WDR37: variants seen among roughly 807,000 people sequenced by gnomAD.
WDR37 encodes the protein WD repeat-containing protein 37.
WDR37 carries 19 observed loss-of-function variants against 62.9 expected under a neutral mutation model. That is an observed-to-expected ratio of 0.30 (90% CI 0.21 to 0.44). The LOEUF is 0.44. Among genes scored for constraint, WDR37 ranks in the 20% least tolerant of loss-of-function variants. The probability of loss-of-function intolerance (pLI) is 1.00; values close to 1 mark genes in which losing one functional copy is unlikely to be tolerated. For missense variants in WDR37, 474 were observed against 657.6 expected (o/e 0.72, Z 3.05); for synonymous variants, 250 against 260.9 (o/e 0.96, Z 0.40).
At position 1,129,514 on chromosome 10, in the gene WDR37, TGTGGTC is replaced by T; in HGVS notation, c.*173_*178del. ...CTTGCATGAAATGTACAGAGAAATG[TGTGGTC>T]GTATTTTTTACTTTTGTCTTGTATA... On this transcript the variant is annotated 3_prime_UTR_variant, in exon 14 of 14. Transcript: ENST00000263150. The T allele has an allele frequency of 9.3e-7, 1 of 1,070,864 alleles. No individual in the cohort carries two copies. The highest frequency in any genetic ancestry group is 1.3e-6 in the Non-Finnish European group (1 of 771,692). 66.3% of individuals were successfully genotyped at this position (1,070,864 alleles called of 1,614,324 possible). A position where few individuals can be genotyped will look rare whatever the true frequency, so the allele number is the denominator to read the frequency against.
At chr10:1,091,051 G>A (rs1000623820) in intron 7 of WDR37, among the ~76,000 whole-genome samples, 3 of 152,192 alleles carry the variant, frequency 2.0e-5, no homozygotes, top group Non-Finnish European at 2.9e-5. Context: ...ACATGATTCT[G>A]TGCCGATTTT....
Position 1,080,025 on chromosome 10 carries a change from G to A in WDR37, c.250G>A (p.Asp84Asn), listed in dbSNP as rs1255576929. Residue 84 changes from aspartate to asparagine, a missense_variant, in exon 4 of 14, where the codon GAC (aspartate) becomes AAC (asparagine). By Grantham distance (23) the Asp-to-Asn change is conservative. Coordinates refer to ENST00000263150, the MANE Select transcript of WDR37 (RefSeq NM_014023.4). The part of the protein sequence containing the change: ...IENLELRREI[D>N]TLNERLAAEG... The stretch of plus-strand genomic sequence containing the variant: ...TTTCTTCCCAGTACGTAGAGAAATC[G>A]ACACTCTTAATGAACGTTTAGCTGC... The A allele has an allele frequency of 8.1e-6, 13 of 1,613,756 alleles. No individual in the cohort carries two copies. Among genetic ancestry groups the A allele is most frequent in the Admixed American group, 1.7e-5 (1 of 59,982 alleles).
intron 1 of WDR37, among the ~76,000 whole-genome samples, chr10:1,066,427 C>T (rs1833555210): frequency 6.6e-6 from 1 of 152,038 alleles, no homozygotes; most frequent in Admixed American, 6.5e-5. Context: ...GATACTAGGA[C>T]TAATGCAGAA....
chr10:1,128,366 T>A (rs1835865530), intron 13 of WDR37, among the ~76,000 whole-genome samples: 1 of 152,274 alleles, frequency 6.6e-6, no homozygotes, highest in Non-Finnish European at 1.5e-5. Context: ...GCTAAGAGCC[T>A]GCATCTGCTA....
rs143574748 is a variant in WDR37 at position 1,130,226 on chromosome 10, G to T, written c.*882G>T. The T allele has an allele frequency of 6.5e-6, 1 of 152,750 alleles. No homozygotes were observed. Among genetic ancestry groups the T allele is most frequent in the African/African-American group, 2.4e-5 (1 of 41,564 alleles). The allele number at this position is 152,750 out of a possible 1,614,324, so 9.5% of individuals were successfully genotyped here. A position where few individuals can be genotyped will look rare whatever the true frequency, so the allele number is the denominator to read the frequency against. ...TGTGCTTCCGAATGGGCTCACTCCCGTGGTGGTGTTTGAGAGCCAACAACA... is the reference window on the plus strand; with the variant it reads ...TGTGCTTCCGAATGGGCTCACTCCCTTGGTGGTGTTTGAGAGCCAACAACA... On this transcript the variant is annotated 3_prime_UTR_variant, in exon 14 of 14. Coordinates refer to ENST00000263150, the MANE Select transcript of WDR37 (RefSeq NM_014023.4).
intron 9 of WDR37, among the ~76,000 whole-genome samples, chr10:1,097,647 G>A (rs1359968771): frequency 6.6e-6 from 1 of 152,184 alleles, no homozygotes; most frequent in African/African-American, 2.4e-5. Context: ...TTGCCAGGCT[G>A]AGCCAAGGGG....
chr10:1,098,135 C>A (rs114331367), intron 9 of WDR37, among the ~76,000 whole-genome samples: 1 of 152,058 alleles, frequency 6.6e-6, no homozygotes, highest in Non-Finnish European at 1.5e-5. Context: ...GTGTTGAAGC[C>A]CTAACCCCCA....
chr10:1,126,986 G>A (rs558525368), intron 13 of WDR37, among the ~76,000 whole-genome samples: 4 of 152,274 alleles, frequency 2.6e-5, no homozygotes, highest in South Asian at 2.1e-4. Flanking sequence ...TGCTTGTCCT[G>A]GGGAAGCTTT....
chr10:1,126,320 G>A (rs1038183994), intron 13 of WDR37, among the ~76,000 whole-genome samples: 2 of 147,492 alleles, frequency 1.4e-5, no homozygotes, highest in African/African-American at 5.4e-5. Flanking sequence ...GCAGGAGAAT[G>A]GCGTGAACCC....
At chr10:1,093,103 G>T (rs1834456563) in intron 7 of WDR37, among the ~76,000 whole-genome samples, 1 of 151,930 alleles carries the variant, frequency 6.6e-6, no homozygotes, top group African/African-American at 2.4e-5. Flanking sequence ...AATTGTGTCT[G>T]CCACACTATA....
chr10:1,075,958 T>G (rs1184430093), intron 2 of WDR37, among the ~76,000 whole-genome samples: 1 of 152,078 alleles, frequency 6.6e-6, no homozygotes, highest in Non-Finnish European at 1.5e-5. Context: ...TTTTGTATTT[T>G]TAGTAGAGAC....
intron 11 of WDR37, among the ~76,000 whole-genome samples, chr10:1,119,717 G>A (rs987570332): frequency 2.0e-5 from 3 of 152,208 alleles, no homozygotes; most frequent in East Asian, 1.9e-4. Context: ...GGAGGGAGGC[G>A]TCACTGGAGT....
intron 1 of WDR37, among the ~76,000 whole-genome samples, chr10:1,060,185 A>T (rs1174081457): frequency 6.6e-6 from 1 of 152,154 alleles, no homozygotes; most frequent in Non-Finnish European, 1.5e-5. Context: ...TTGCTAACAC[A>T]GTGTGTTTAT....
chr10:1,085,436 A>C (rs539219718), intron 6 of WDR37, among the ~76,000 whole-genome samples: 4 of 152,324 alleles, frequency 2.6e-5, no homozygotes, highest in African/African-American at 9.6e-5. Context: ...CCCCCAGCAG[A>C]TGTTTGCCCA....
At chr10:1,115,223 A>G (rs989213366) in intron 11 of WDR37, among the ~76,000 whole-genome samples, 1 of 152,212 alleles carries the variant, frequency 6.6e-6, no homozygotes, top group African/African-American at 2.4e-5. Context: ...GCAATATTTG[A>G]GGATGCAAAG....
At chr10:1,088,013 A>C (rs988056363) in intron 7 of WDR37, among the ~76,000 whole-genome samples, 1 of 152,186 alleles carries the variant, frequency 6.6e-6, no homozygotes, top group Non-Finnish European at 1.5e-5. Flanking sequence ...TTCACCTTGT[A>C]CTTTTATGTT....
intron 5 of WDR37, among the ~76,000 whole-genome samples, chr10:1,083,110 A>G (rs1834082947): frequency 6.6e-6 from 1 of 152,226 alleles, no homozygotes; most frequent in Admixed American, 6.5e-5. Context: ...ACTCCCTCCT[A>G]AAATGTTACA....
chr10:1,089,619 C>T (rs1357027618), intron 7 of WDR37, among the ~76,000 whole-genome samples: 1 of 151,838 alleles, frequency 6.6e-6, no homozygotes, highest in Non-Finnish European at 1.5e-5. Flanking sequence ...ACAATTCAAC[C>T]TTCCCATGCT....
At chr10:1,114,639 C>A (rs910373463) in intron 11 of WDR37, among the ~76,000 whole-genome samples, 1 of 152,256 alleles carries the variant, frequency 6.6e-6, no homozygotes, top group African/African-American at 2.4e-5. Context: ...ATCTTCACCT[C>A]ACAGCGTGTT....
Sources: allele counts gnomAD v4.1 joint callset (sites outside exome capture counted in the v4.1 genomes callset), GRCh38; gene constraint gnomAD v4.1.1; transcripts MANE v1.5; gene names NCBI Gene and HGNC (gene_info 2026-07-23, HGNC 2026-07-21).